SEMA6D: variants seen among roughly 807,000 people sequenced by gnomAD.
SEMA6D encodes semaphorin-6D.
In SEMA6D, 35 loss-of-function variants were observed where a neutral mutation model predicts 106.6. That is an observed-to-expected ratio of 0.33 (90% CI 0.25 to 0.44). The LOEUF is 0.44. SEMA6D is among the 20% of genes least tolerant of loss of function. The pLI, the probability that SEMA6D is intolerant of heterozygous loss-of-function variation, is 1.00. For synonymous variants in SEMA6D, 499 were observed against 487.7 expected, an observed-to-expected ratio of 1.02 and a Z score of -0.31; for missense variants, 1,185 against 1,345.9, an observed-to-expected ratio of 0.88 and a Z score of 1.87.
chr15:47,352,982 A>G (rs957624816), intron 1 of SEMA6D, among the ~76,000 whole-genome samples: 2 of 152,038 alleles, frequency 1.3e-5, no homozygotes, highest in Non-Finnish European at 2.9e-5. Context: ...CCTCTATACA[A>G]ATGTTTATTT....
intron 2 of SEMA6D, 35 bp from the exon 3 acceptor site, chr15:47,760,269 T>C (rs2081988538): frequency 6.8e-7 from 1 of 1,460,098 alleles, no homozygotes. Flanking sequence ...AGCTCCATAA[T>C]CCTGAATGAT....
intron 1 of SEMA6D, among the ~76,000 whole-genome samples, chr15:47,410,826 C>G (rs2040767963): frequency 6.6e-6 from 1 of 152,180 alleles, no homozygotes. Flanking sequence ...CAAATATTTT[C>G]AGTCTTTAAC....
At chr15:47,225,751 A>C (rs937881327) in intron 1 of SEMA6D, among the ~76,000 whole-genome samples, 1 of 151,790 alleles carries the variant, frequency 6.6e-6, no homozygotes, top group African/African-American at 2.4e-5. Context: ...GCTGGTCTCG[A>C]ACTCCTGACC....
Position 47,225,677 on chromosome 15 carries a change from C to T in SEMA6D, c.-239+41259C>T, listed in dbSNP as rs546813585. On this transcript the variant is annotated intron_variant, in intron 1 of 19. Transcript: ENST00000558014. ...CCAAGTGTCTGGGATTATAGGCCTC[C>T]GCCACCAAGCCCGGCTAATTTTGTA... is the stretch of plus-strand genomic sequence containing the variant. 9.9e-5 allele frequency among the ~76,000 whole-genome samples: 15 copies of T among 151,196 alleles called. No individual in the cohort carries two copies. In the East Asian group the frequency reaches 1.4e-3, roughly 14 times the overall value.
chr15:47,730,091 A>G, intron 1 of SEMA6D: 1 of 794,504 alleles, frequency 1.3e-6, no homozygotes, highest in Non-Finnish European at 2.0e-6. Context: ...TTGAAGGAAA[A>G]TTTATATTAT....
intron 3 of SEMA6D, among the ~76,000 whole-genome samples, chr15:47,518,079 A>C (rs2044445064): frequency 6.6e-6 from 1 of 152,194 alleles, no homozygotes; most frequent in Admixed American, 6.5e-5. Context: ...GTTGATAATG[A>C]TAGAGAGATT....
chr15:47,770,373 C>G, intron 18 of SEMA6D, 124 bp from the exon 19 acceptor site: 1 of 736,416 alleles, frequency 1.4e-6, no homozygotes, highest in Non-Finnish European at 2.2e-6. Context: ...TTGGAGTCTA[C>G]TTGACCCTCC....
At chr15:47,701,204 G>A (rs2078803331) in intron 4 of SEMA6D, among the ~76,000 whole-genome samples, 1 of 152,080 alleles carries the variant, frequency 6.6e-6, no homozygotes, top group Admixed American at 6.6e-5. Context: ...GTCTGATAAA[G>A]GACTGTTGTC....
chr15:47,444,002 G>A (rs1036429619), intron 2 of SEMA6D, among the ~76,000 whole-genome samples: 6 of 152,156 alleles, frequency 3.9e-5, no homozygotes, highest in Admixed American at 1.3e-4. Context: ...GTATCTTGGG[G>A]ATGTGGTCAG....
At chr15:47,642,504 C>T (rs371528564) in intron 4 of SEMA6D, among the ~76,000 whole-genome samples, 27 of 152,236 alleles carry the variant, frequency 1.8e-4, no homozygotes, top group African/African-American at 5.5e-4. Context: ...TATGCCTTTT[C>T]GGACACCCAG....
In SEMA6D at chr15:47,771,120, C is replaced by G. The variant is rs757648223; in HGVS notation, c.2557C>G (p.Leu853Val). The G allele has an allele frequency of 6.2e-7, 1 of 1,614,102 alleles. No individual in the cohort carries two copies. Residue 853 changes from leucine to valine, a missense_variant, in exon 19 of 19, where the codon CTT becomes GTT. Physicochemically the swap from Leu to Val is conservative, Grantham distance 32. This residue lies in a region of SEMA6D where 750 missense variants were observed against 783.5 expected (regional missense o/e 0.96). Coordinates refer to ENST00000536845, the MANE Select transcript of SEMA6D (RefSeq NM_001358351.3). ...CAATGCTCACAAAGCTGAAAAGAAG[C>G]TTCAAAACATTGATCACCCTCTCAC... The part of the protein sequence containing the change: ...NSNAHKAEKK[L>V]QNIDHPLTKS...
At chr15:47,730,978 C>T in intron 1 of SEMA6D, 1 of 662,964 alleles carries the variant, frequency 1.5e-6, no homozygotes, top group Non-Finnish European at 2.7e-6. Context: ...ATTTTAATTA[C>T]CTAAGCAGTA....
intron 3 of SEMA6D, among the ~76,000 whole-genome samples, chr15:47,543,344 C>G (rs143483143): frequency 0.012 from 1,855 of 152,078 alleles, 11 homozygotes; most frequent in Admixed American, 0.021. Context: ...TGGTTTCCCC[C>G]CATACTGTTC....
chr15:47,374,764 A>G (rs1311966232), intron 1 of SEMA6D, among the ~76,000 whole-genome samples: 4 of 152,202 alleles, frequency 2.6e-5, no homozygotes, highest in Non-Finnish European at 5.9e-5. Context: ...TTTTAGGGCT[A>G]GATGCCTTAT....
intron 2 of SEMA6D, among the ~76,000 whole-genome samples, chr15:47,439,422 A>T (rs1358041216): frequency 6.6e-6 from 1 of 152,142 alleles, no homozygotes; most frequent in Non-Finnish European, 1.5e-5. Flanking sequence ...TTATATAGTT[A>T]CTAGAAACAA....
intron 3 of SEMA6D, among the ~76,000 whole-genome samples, chr15:47,507,338 C>T (rs536024193): frequency 7.2e-6 from 1 of 139,540 alleles, no homozygotes; most frequent in East Asian, 2.2e-4. Context: ...TCAAGTGGGA[C>T]ACCCCCCCCC....
At chr15:47,626,876 G>A (rs899985719) in intron 4 of SEMA6D, among the ~76,000 whole-genome samples, 4 of 152,142 alleles carry the variant, frequency 2.6e-5, no homozygotes, top group Non-Finnish European at 5.9e-5. Context: ...AGTTTTGTGT[G>A]TATGGAATGT....
At chr15:47,757,235 A>G (rs999160810) in intron 1 of SEMA6D, among the ~76,000 whole-genome samples, 69 of 152,296 alleles carry the variant, frequency 4.5e-4, no homozygotes, top group African/African-American at 1.7e-3. Flanking sequence ...TGGAGGAGAA[A>G]GAGACACAGA....
At chr15:47,405,428 C>T (rs1451931253) in intron 1 of SEMA6D, among the ~76,000 whole-genome samples, 2 of 152,050 alleles carry the variant, frequency 1.3e-5, no homozygotes, top group East Asian at 3.9e-4. Flanking sequence ...TCCTCCACTA[C>T]CCCCCAAACC....
Sources: gnomAD v4.1 joint callset for allele counts (sites outside exome capture counted in the v4.1 genomes callset) on GRCh38, gnomAD v4.1.1 for gene constraint, gnomAD v4.1.1 regional missense constraint, MANE v1.5 for transcripts, NCBI Gene and HGNC (gene_info 2026-07-23, HGNC 2026-07-21) for gene names.